Variants in LEPR observed in about 807,000 individuals in gnomAD.
LEPR encodes the protein leptin receptor.
A neutral mutation model predicts 114.7 loss-of-function variants in LEPR; 56 were observed. The ratio of observed to expected loss-of-function variants is 0.49; its 90% confidence interval spans 0.39 to 0.61. The LOEUF (loss-of-function observed/expected upper bound fraction) is 0.61. Ranked by LOEUF, LEPR falls within the 20% of genes least tolerant of loss-of-function variation. The probability of loss-of-function intolerance (pLI) is 0.00; values close to 1 mark genes in which losing one functional copy is unlikely to be tolerated. For missense variants in LEPR, 1,202 were observed against 1,352.9 expected (o/e 0.89, Z 1.75); for synonymous variants, 443 against 461.4 (o/e 0.96, Z 0.51).
intron 2 of LEPR, among the ~76,000 whole-genome samples, chr1:65,544,056 C>A (rs942394504): frequency 6.6e-6 from 1 of 151,966 alleles, no homozygotes; most frequent in Non-Finnish European, 1.5e-5. Context: ...TTACTTTGGG[C>A]AGTATAGCTG....
rs1275093928 is a variant in LEPR, at chr1:65,609,878, G to T, written c.1753-69G>T. The T allele has an allele frequency of 7.6e-5, 122 of 1,603,080 alleles. No homozygotes were observed. In the South Asian group the frequency reaches 1.3e-3, roughly 17 times the overall value. On this transcript the variant is annotated intron_variant, in intron 12 of 19. Coordinates refer to ENST00000349533, the MANE Select transcript of LEPR (RefSeq NM_002303.6). ...ATAGTGTTAAGGTTTAAAATAAAAT[G>T]TACTTCAGGGCCCTTTAGATACATA...
At chr1:65,532,199 G>T (rs183084724) in intron 2 of LEPR, among the ~76,000 whole-genome samples, 3 of 152,252 alleles carry the variant, frequency 2.0e-5, no homozygotes, top group African/African-American at 4.8e-5. Flanking sequence ...GTTCTTCACT[G>T]ATGCAAAGTC....
Position 65,448,549 on chromosome 1 carries a change from G to T in LEPR, c.-21+23171G>T, listed in dbSNP as rs117602018. On this transcript the variant is annotated intron_variant, in intron 2 of 19. Coordinates refer to ENST00000349533, the MANE Select transcript of LEPR (RefSeq NM_002303.6). ...CTGGCCTCATAGAATGAGTGGGGAA[G>T]TATTCCCTCTGCTTCTGTCTTCTAA... Among the ~76,000 whole-genome samples, 1,448 of 152,288 alleles carry T rather than the reference G, an allele frequency of 9.5e-3. 75 individuals carry two copies. Among genetic ancestry groups the T allele is most frequent in the Admixed American group, 0.082 (1,251 of 15,286 alleles).
intron 1 of LEPR, among the ~76,000 whole-genome samples, chr1:65,422,825 C>A (rs1402188503): frequency 6.6e-6 from 1 of 152,194 alleles, no homozygotes; most frequent in Non-Finnish European, 1.5e-5. Context: ...TGGTGAGCCT[C>A]CGTGCCAGAA....
intron 2 of LEPR, among the ~76,000 whole-genome samples, chr1:65,548,713 A>C (rs1357605876): frequency 1.3e-5 from 2 of 151,970 alleles, no homozygotes; most frequent in Admixed American, 6.6e-5. Flanking sequence ...TCTGCATGTG[A>C]GATGGGTTTC....
intron 2 of LEPR, among the ~76,000 whole-genome samples, chr1:65,431,518 T>A (rs1325807131): frequency 6.6e-6 from 1 of 152,230 alleles, no homozygotes; most frequent in Non-Finnish European, 1.5e-5. Flanking sequence ...TTTATAATCT[T>A]ACCACTTGAG....
chr1:65,434,335 TG>T (rs1646528856), intron 2 of LEPR: 1 of 985,018 alleles, frequency 1.0e-6, no homozygotes, highest in African/African-American at 1.7e-5. Context: ...TTTTATATAT[TG>T]TACAATATAT....
In LEPR at chr1:65,617,949, T is replaced by C; in HGVS notation, c.2213-15T>C. ...ATTTTTAATTTAAAAATTAATTTCC[T>C]TCTTTTCCCCTCAGTAAATATCGTG... is the stretch of plus-strand genomic sequence containing the variant. On this transcript the variant is annotated splice_polypyrimidine_tract_variant and intron_variant, in intron 15 of 19. Transcript: ENST00000349533. 1 of 1,600,412 alleles carries C rather than the reference T, an allele frequency of 6.2e-7. No individual in the cohort carries two copies. Among genetic ancestry groups the C allele is most frequent in the South Asian group, 1.1e-5 (1 of 87,084 alleles).
intron 2 of LEPR, among the ~76,000 whole-genome samples, chr1:65,551,408 A>G (rs1203218621): frequency 6.6e-6 from 1 of 152,076 alleles, no homozygotes; most frequent in Non-Finnish European, 1.5e-5. Context: ...TTTTTGGTCT[A>G]TTCAGGGATT....
At chr1:65,604,414 C>T (rs867500349) in intron 10 of LEPR, among the ~76,000 whole-genome samples, 6 of 152,140 alleles carry the variant, frequency 3.9e-5, no homozygotes, top group Admixed American at 1.3e-4. Flanking sequence ...GTACCATCTC[C>T]GTTCACTGCA....
intron 2 of LEPR, among the ~76,000 whole-genome samples, chr1:65,482,095 A>T (rs1001423823): frequency 2.7e-5 from 4 of 146,662 alleles, no homozygotes; most frequent in African/African-American, 1.0e-4. Context: ...AAAAGTTACA[A>T]TTTAATTTAC....
chr1:65,488,569 T>A (rs1647701668), intron 2 of LEPR, among the ~76,000 whole-genome samples: 1 of 151,856 alleles, frequency 6.6e-6, no homozygotes, highest in African/African-American at 2.4e-5. Context: ...GCTCAAGCGG[T>A]CTGCTTGCCT....
chr1:65,460,135 T>A (rs1265559300), intron 2 of LEPR, among the ~76,000 whole-genome samples: 1 of 152,002 alleles, frequency 6.6e-6, no homozygotes, highest in African/African-American at 2.4e-5. Flanking sequence ...ATATTACATA[T>A]CAGCAATAAG....
intron 2 of LEPR, among the ~76,000 whole-genome samples, chr1:65,550,627 G>A (rs1652243543): frequency 6.6e-6 from 1 of 152,184 alleles, no homozygotes; most frequent in South Asian, 2.1e-4. Context: ...AACCAAGTGC[G>A]GGCTATAATT....
chr1:65,553,615 C>G (rs997539144), intron 2 of LEPR, among the ~76,000 whole-genome samples: 2 of 152,062 alleles, frequency 1.3e-5, no homozygotes, highest in Non-Finnish European at 2.9e-5. Context: ...CGCAATTCCT[C>G]TAACCTTTTT....
intron 2 of LEPR, among the ~76,000 whole-genome samples, chr1:65,441,203 G>A (rs970484607): frequency 2.0e-5 from 3 of 152,246 alleles, no homozygotes; most frequent in Admixed American, 1.3e-4. Flanking sequence ...TGTCCTAATA[G>A]CATTGAGCTT....
At chr1:65,533,028 TTAAAAA>T (rs1405581548) in intron 2 of LEPR, among the ~76,000 whole-genome samples, 1 of 152,136 alleles carries the variant, frequency 6.6e-6, no homozygotes, top group Non-Finnish European at 1.5e-5. Context: ...AAAAAATACT[TTAAAAA>T]TAAAGTATAT....
At chr1:65,463,544 T>C (rs1295133572) in intron 2 of LEPR, among the ~76,000 whole-genome samples, 1 of 152,204 alleles carries the variant, frequency 6.6e-6, no homozygotes, top group African/African-American at 2.4e-5. Flanking sequence ...CAGTAGTTTT[T>C]TCCAATTCTG....
chr1:65,440,977 G>A (rs889457509), intron 2 of LEPR, among the ~76,000 whole-genome samples: 2 of 152,204 alleles, frequency 1.3e-5, no homozygotes, highest in Admixed American at 1.3e-4. Flanking sequence ...GGGACAGATG[G>A]CTGAAGCAAC....
Sources: allele counts gnomAD v4.1 joint callset (sites outside exome capture counted in the v4.1 genomes callset), GRCh38; gene constraint gnomAD v4.1.1; transcripts MANE v1.5; gene names NCBI Gene and HGNC (gene_info 2026-07-23, HGNC 2026-07-21).